Variants in SYNC observed in about 807,000 individuals in gnomAD.
The protein encoded by SYNC is syncoilin, intermediate filament protein.
In SYNC, 38 loss-of-function variants were observed where a neutral mutation model predicts 49.5. That is an observed-to-expected ratio of 0.77 (90% CI 0.59 to 1.01). The LOEUF is 1.01. Ranked by LOEUF, SYNC falls within the 50% of genes least tolerant of loss-of-function variation. The pLI is 0.00. For synonymous variants in SYNC, 201 were observed against 230.8 expected (o/e 0.87, Z 1.17); for missense variants, 579 against 580.6 (o/e 1.00, Z 0.03).
chr1:32,698,528 AG>A (rs1320372294), intron 1 of SYNC, among the ~76,000 whole-genome samples: 3 of 152,134 alleles, frequency 2.0e-5, no homozygotes, highest in South Asian at 2.1e-4. Context: ...CAAAAAAAAA[AG>A]TTTTTCATAC....
intron 2 of SYNC, among the ~76,000 whole-genome samples, chr1:32,687,361 C>CAA (rs11383471): frequency 0.056 from 6,892 of 123,116 alleles, 298 homozygotes; most frequent in East Asian, 0.12. Context: ...GACTTCATCT[C>CAA]AAAAAAAAAA....
Position 32,679,938 on chromosome 1 carries a change from C to T in SYNC, c.*1912G>A. On this transcript the variant is annotated 3_prime_UTR_variant, in exon 5 of 5. Coordinates refer to ENST00000409190, the MANE Select transcript of SYNC (RefSeq NM_030786.3). ...TTTTCTTCAGGAATTTTCTAGTAACCCAGGTCTAAAGTAGCTACAGAAAGG... is the reference window on the plus strand; with the variant it reads ...TTTTCTTCAGGAATTTTCTAGTAACTCAGGTCTAAAGTAGCTACAGAAAGG... The T allele has an allele frequency of 7.7e-7, 1 of 1,292,142 alleles. No homozygotes were observed. The highest frequency in any genetic ancestry group is 9.8e-7 in the Non-Finnish European group (1 of 1,022,704). 80.0% of individuals were successfully genotyped at this position (1,292,142 alleles called of 1,614,324 possible).
At chr1:32,697,434 G>A (rs1375297122) in intron 1 of SYNC, among the ~76,000 whole-genome samples, 4 of 134,630 alleles carry the variant, frequency 3.0e-5, no homozygotes, top group African/African-American at 8.6e-5. Context: ...GCGAAACTCC[G>A]TCTCAAAAAA....
In SYNC at chr1:32,681,140, G is replaced by A. The variant is rs1017994263; in HGVS notation, c.*710C>T. On this transcript the variant is annotated 3_prime_UTR_variant, in exon 5 of 5. Coordinates refer to ENST00000409190, the MANE Select transcript of SYNC (RefSeq NM_030786.3). ...TTTCCCAATCGCTTAGTTTTTTGTTGTTGTTGTTTTTTAACTGAGTAGATC... is the reference window on the plus strand; with the variant it reads ...TTTCCCAATCGCTTAGTTTTTTGTTATTGTTGTTTTTTAACTGAGTAGATC... 6.6e-6 allele frequency: 1 copy of A among 152,574 alleles called. No individual in the cohort carries two copies. The highest frequency in any genetic ancestry group is 2.4e-5 in the African/African-American group (1 of 41,430). 9.5% of individuals were successfully genotyped at this position (152,574 alleles called of 1,614,324 possible). A position where few individuals can be genotyped will look rare whatever the true frequency, so the allele number is the denominator to read the frequency against.
chr1:32,694,234 T>C (rs1405014950), intron 2 of SYNC, among the ~76,000 whole-genome samples: 1 of 151,850 alleles, frequency 6.6e-6, no homozygotes. Flanking sequence ...TGGTGCACAG[T>C]TGTGGTCCCA....
chr1:32,687,077 T>C (rs1417097796), intron 2 of SYNC, among the ~76,000 whole-genome samples: 2 of 152,090 alleles, frequency 1.3e-5, no homozygotes, highest in African/African-American at 2.4e-5. Context: ...TACATAAAAC[T>C]GGCCAGGCAC....
chr1:32,693,740 A>T (rs1402705938), intron 2 of SYNC, among the ~76,000 whole-genome samples: 2 of 152,244 alleles, frequency 1.3e-5, no homozygotes, highest in Non-Finnish European at 2.9e-5. Flanking sequence ...CTGTTCTAAA[A>T]AGGGATTAGA....
chr1:32,697,795 T>G (rs917787946), intron 1 of SYNC, among the ~76,000 whole-genome samples: 9 of 151,992 alleles, frequency 5.9e-5, no homozygotes, highest in Admixed American at 6.6e-5. Flanking sequence ...AGGTTTCCAG[T>G]GCCCTCTTCA....
chr1:32,702,653 C>A lies in SYNC; in HGVS notation c.8G>T (p.Ser3Ile). The A allele has an allele frequency of 8.3e-7, 1 of 1,200,526 alleles. No homozygotes were observed. The highest frequency in any genetic ancestry group is 1.0e-6 in the Non-Finnish European group (1 of 968,218). The allele number at this position is 1,200,526 out of a possible 1,614,324, so 74.4% of individuals were successfully genotyped here. Residue 3 changes from serine to isoleucine, a missense_variant, in exon 1 of 5, where the codon AGC becomes ATC. By Grantham distance (142) the Ser-to-Ile change is moderately radical. Coordinates refer to ENST00000409190, the MANE Select transcript of SYNC (RefSeq NM_030786.3). This position sits in a 1 kb window ranked among gnomAD's most constrained non-coding sequence, Gnocchi z 6.2. MASPEPRRGGDGA... is the reference protein window; with the variant it reads MAIPEPRRGGDGA... ...GTCCCCGCCGCGCCGGGGCTCCGGG[C>A]TGGCCATGGCTGCGCGACCCCGGGC...
At chr1:32,684,235 T>C (rs1183331838) in intron 3 of SYNC, 23 bp downstream of exon 3, 2 of 1,613,990 alleles carry the variant, frequency 1.2e-6, no homozygotes, top group East Asian at 2.2e-5. Context: ...TTAGATGAGA[T>C]TTGTATAGCA....
In SYNC at chr1:32,695,224, GGAGCTGGGCCAGTTCCTCTGA is replaced by G; in HGVS notation, c.853_873del (p.Ser285_Leu291del). On this transcript the variant is annotated inframe_deletion, in exon 2 of 5. Transcript: ENST00000409190. ...TCCTTCTGCTTCTGATAGGCATCCC[GGAGCTGGGCCAGTTCCTCTGA>G]GAGCTGGGTTGCCCTTGTAGTCAGC... The G allele has an allele frequency of 3.2e-6, 5 of 1,553,302 alleles. No individual in the cohort carries two copies. Among genetic ancestry groups the G allele is most frequent in the Non-Finnish European group, 4.4e-6 (5 of 1,147,824 alleles).
chr1:32,697,438 CA>C (rs113573501), intron 1 of SYNC, among the ~76,000 whole-genome samples: 5,115 of 113,746 alleles, frequency 0.045, 229 homozygotes, highest in African/African-American at 0.13. Flanking sequence ...AACTCCGTCT[CA>C]AAAAAAAAAA....
intron 1 of SYNC, among the ~76,000 whole-genome samples, chr1:32,699,873 C>T (rs1045017488): frequency 1.3e-5 from 2 of 151,776 alleles, no homozygotes; most frequent in African/African-American, 2.4e-5. Flanking sequence ...GCTGAGACTA[C>T]AGGCGCCCAC....
intron 1 of SYNC, among the ~76,000 whole-genome samples, chr1:32,699,846 C>T (rs1462791454): frequency 6.6e-6 from 1 of 151,810 alleles, no homozygotes; most frequent in Admixed American, 6.6e-5. Flanking sequence ...CAATTCTCTA[C>T]CTCAGCCTCC....
At chr1:32,693,342 A>G (rs1229506193) in intron 2 of SYNC, among the ~76,000 whole-genome samples, 2 of 152,010 alleles carry the variant, frequency 1.3e-5, no homozygotes, top group African/African-American at 2.4e-5. Flanking sequence ...CAGCCTCCCA[A>G]CCAAAGTGCT....
At chr1:32,683,740 C>G (rs184768768) in intron 4 of SYNC, 1 of 357,170 alleles carries the variant, frequency 2.8e-6, no homozygotes, top group Non-Finnish European at 5.2e-6. Context: ...TCAAGCGATT[C>G]TCCTGCCTTG....
intron 2 of SYNC, among the ~76,000 whole-genome samples, chr1:32,689,235 CTTT>C (rs71006360): frequency 1.7e-4 from 7 of 41,534 alleles, no homozygotes; most frequent in Non-Finnish European, 3.4e-4. Flanking sequence ...CTCGCCTGGC[CTTT>C]TTTTTTTTTT....
chr1:32,689,939 CAAAAAA>C, intron 2 of SYNC, among the ~76,000 whole-genome samples: 1 of 100,634 alleles, frequency 9.9e-6, no homozygotes, highest in African/African-American at 3.6e-5. Context: ...GACACCGTCA[CAAAAAA>C]AAAAAAAAAA....
intron 2 of SYNC, chr1:32,684,954 A>G (rs189994202): frequency 6.6e-6 from 1 of 152,640 alleles, no homozygotes; most frequent in East Asian, 1.9e-4. Flanking sequence ...TTAACATCAT[A>G]TGGAAATTGA....
Sources: allele counts gnomAD v4.1 joint callset (sites outside exome capture counted in the v4.1 genomes callset), GRCh38; gene constraint gnomAD v4.1.1; non-coding constraint Gnocchi (gnomAD v3.1); transcripts MANE v1.5; gene names NCBI Gene and HGNC (gene_info 2026-07-23, HGNC 2026-07-21).